The following SUCLG1 variants were observed in gnomAD, a reference collection of about 807,000 sequenced individuals.
SUCLG1 encodes the protein succinate--CoA ligase [ADP/GDP-forming] subunit alpha, mitochondrial.
A neutral mutation model predicts 37.3 loss-of-function variants in SUCLG1; 26 were observed. That is an observed-to-expected ratio of 0.70 (90% CI 0.51 to 0.97). The LOEUF (loss-of-function observed/expected upper bound fraction) is 0.97. SUCLG1 is among the 50% of genes least tolerant of loss of function. The pLI is 0.00. For synonymous variants in SUCLG1, 163 were observed against 155.6 expected, an observed-to-expected ratio of 1.05 and a Z score of -0.36; for missense variants, 433 against 432.9, an observed-to-expected ratio of 1.00 and a Z score of 0.00.
intron 5 of SUCLG1, among the ~76,000 whole-genome samples, chr2:84,436,988 A>G (rs940131491): frequency 4.6e-5 from 7 of 152,234 alleles, no homozygotes; most frequent in Non-Finnish European, 2.9e-5. Context: ...TAGTTTTAAG[A>G]TTATTCACTT....
At chr2:84,428,920 G>C (rs1246071132) in intron 7 of SUCLG1, among the ~76,000 whole-genome samples, 1 of 152,152 alleles carries the variant, frequency 6.6e-6, no homozygotes. Flanking sequence ...CAGTTCGTTT[G>C]CTGTATACCT....
At chr2:84,429,914 C>T (rs1672590956) in intron 7 of SUCLG1, among the ~76,000 whole-genome samples, 1 of 152,050 alleles carries the variant, frequency 6.6e-6, no homozygotes, top group South Asian at 2.1e-4. Context: ...GGGATGAGGA[C>T]CCAAACCAAA....
intron 2 of SUCLG1, 56 bp downstream of exon 2, chr2:84,449,593 G>T: frequency 8.6e-7 from 1 of 1,167,478 alleles, no homozygotes; most frequent in Non-Finnish European, 1.2e-6. Flanking sequence ...TAAAAAAATA[G>T]TTAATTTGTT....
Position 84,443,391 on chromosome 2 carries a change from G to C in SUCLG1, c.211C>G (p.His71Asp). The C allele has an allele frequency of 6.2e-7, 1 of 1,614,100 alleles. No individual in the cohort carries two copies. Among genetic ancestry groups the C allele is most frequent in the Non-Finnish European group, 8.5e-7 (1 of 1,179,954 alleles). The change falls in exon 3 of 9, where the codon CAC (histidine) becomes GAC (aspartate). Residue 71 changes from histidine (H) to aspartate (D), a missense_variant. Physicochemically the swap from His to Asp is moderately conservative, Grantham distance 81. Transcript: ENST00000393868. The part of the protein sequence containing the change: ...QGFTGKQGTF[H>D]SQQALEYGTK... ...CCATATTCCAATGCCTGCTGGCTGT[G>C]AAAGGTGCCCTGAGGGGAAAAAGCA... is the stretch of plus-strand genomic sequence containing the variant.
intron 2 of SUCLG1, among the ~76,000 whole-genome samples, chr2:84,447,980 C>T (rs1672874954): frequency 6.6e-6 from 1 of 152,082 alleles, no homozygotes; most frequent in Admixed American, 6.5e-5. Context: ...AATCCTGCTG[C>T]TCTGGCTCCC....
In SUCLG1 at chr2:84,431,602, A is replaced by G. The variant is rs1672615478; in HGVS notation, c.731T>C (p.Leu244Ser). 1 of 1,613,946 alleles carries G rather than the reference A, an allele frequency of 6.2e-7. No individual in the cohort carries two copies. The highest frequency in any genetic ancestry group is 1.3e-5 in the African/African-American group (1 of 74,930). Residue 244 changes from leucine (L) to serine (S), a missense_variant, in exon 7 of 9, where the codon TTG becomes TCG. Physicochemically the swap from Leu to Ser is moderately radical, Grantham distance 145. Transcript: ENST00000393868. Reference sequence around the variant, plus strand: ...GATGCCTTCTGTGGCAGAATCGTTCAAAAAGATTTCGAGGCAGTCAATAAA... The same window carrying G: ...GATGCCTTCTGTGGCAGAATCGTTCGAAAAGATTTCGAGGCAGTCAATAAA... The part of the protein sequence containing the change: ...TDFIDCLEIF[L>S]NDSATEGIIL...
chr2:84,455,012 T>C (rs1672996800), intron 1 of SUCLG1, among the ~76,000 whole-genome samples: 1 of 152,164 alleles, frequency 6.6e-6, no homozygotes, highest in Non-Finnish European at 1.5e-5. Context: ...ATTAACCATA[T>C]GTATTATGCA....
chr2:84,433,253 T>G (rs531645160), intron 6 of SUCLG1, 99 bp downstream of exon 6: 3 of 1,024,058 alleles, frequency 2.9e-6, no homozygotes, highest in East Asian at 5.2e-5. Context: ...CATAAGAGTA[T>G]CAAAATCTTT....
chr2:84,436,580 A>G (rs931446250), intron 5 of SUCLG1, among the ~76,000 whole-genome samples: 2 of 152,234 alleles, frequency 1.3e-5, no homozygotes, highest in Non-Finnish European at 2.9e-5. Context: ...CCATCTGTAA[A>G]AGGTCCATAA....
intron 7 of SUCLG1, among the ~76,000 whole-genome samples, chr2:84,430,905 A>G (rs1253569477): frequency 6.6e-6 from 1 of 152,186 alleles, no homozygotes; most frequent in Non-Finnish European, 1.5e-5. Flanking sequence ...CCACAGGAAC[A>G]GGGCTTAACT....
At chr2:84,444,263 C>A (rs1028175601) in intron 2 of SUCLG1, among the ~76,000 whole-genome samples, 2 of 152,182 alleles carry the variant, frequency 1.3e-5, no homozygotes, top group Non-Finnish European at 2.9e-5. Flanking sequence ...CACTTAGGTT[C>A]TTTTCCATAT....
At position 84,448,004 on chromosome 2, in the gene SUCLG1, T is replaced by C. The variant is rs189832003; in HGVS notation, c.201+1645A>G. On this transcript the variant is annotated intron_variant, in intron 2 of 8. Transcript: ENST00000393868. ...GCTCTGGCTCCCTAAAGTGCTAGGA[T>C]TACAGGTGTGGGCTACCACATCCTG... 2.4e-3 allele frequency among the ~76,000 whole-genome samples: 372 copies of C among 152,158 alleles called. 1 individual carries two copies. Among genetic ancestry groups the C allele is most frequent in the African/African-American group, 8.7e-3 (360 of 41,508 alleles).
At chr2:84,437,744 CA>C (rs1330389811) in intron 5 of SUCLG1, among the ~76,000 whole-genome samples, 1 of 152,196 alleles carries the variant, frequency 6.6e-6, no homozygotes, top group Non-Finnish European at 1.5e-5. Flanking sequence ...AGACAATGTT[CA>C]CACAAAAACC....
At chr2:84,430,097 G>C (rs1462824452) in intron 7 of SUCLG1, among the ~76,000 whole-genome samples, 2 of 152,142 alleles carry the variant, frequency 1.3e-5, no homozygotes, top group Non-Finnish European at 2.9e-5. Context: ...TAAAGAGGAG[G>C]AAAACCAGAA....
chr2:84,431,745 C>T (rs1473470259), intron 6 of SUCLG1, 86 bp from the exon 7 acceptor site: 21 of 1,396,408 alleles, frequency 1.5e-5, no homozygotes, highest in Middle Eastern at 2.3e-4. Flanking sequence ...ACTAGTTTGT[C>T]ATTTTTCTTA....
At chr2:84,443,913 C>T (rs1217878947) in intron 2 of SUCLG1, among the ~76,000 whole-genome samples, 2 of 152,166 alleles carry the variant, frequency 1.3e-5, no homozygotes, top group Admixed American at 6.5e-5. Context: ...CAATACTGCC[C>T]ACCCACCAAC....
intron 2 of SUCLG1, among the ~76,000 whole-genome samples, chr2:84,447,767 G>A (rs1380118419): frequency 6.6e-6 from 1 of 152,062 alleles, no homozygotes; most frequent in Non-Finnish European, 1.5e-5. Flanking sequence ...GTCTCACTCT[G>A]TCACCCAAGC....
intron 1 of SUCLG1, among the ~76,000 whole-genome samples, chr2:84,451,798 G>A (rs1197260873): frequency 2.0e-5 from 3 of 151,562 alleles, no homozygotes; most frequent in African/African-American, 7.3e-5. Context: ...AGATGTGTGT[G>A]CGCTCATGCA....
rs374236377 is a variant in SUCLG1, at chr2:84,441,472, C to T, written c.319-13G>A. Reference sequence around the variant, plus strand: ...TCTGTTCTTTGGCCTGAAACATTAACGACGAAGCACCTTATTATTTGTTAA... The same window carrying T: ...TCTGTTCTTTGGCCTGAAACATTAATGACGAAGCACCTTATTATTTGTTAA... On this transcript the variant is annotated splice_polypyrimidine_tract_variant and intron_variant, in intron 3 of 8. Transcript: ENST00000393868. 117 of 1,612,342 alleles carry T rather than the reference C, an allele frequency of 7.3e-5. No homozygotes were observed. Among genetic ancestry groups the T allele is most frequent in the Middle Eastern group, 1.6e-4 (1 of 6,082 alleles).
Sources: gnomAD v4.1 joint callset for allele counts (sites outside exome capture counted in the v4.1 genomes callset) on GRCh38, gnomAD v4.1.1 for gene constraint, MANE v1.5 for transcripts, NCBI Gene and HGNC (gene_info 2026-07-23, HGNC 2026-07-21) for gene names.